Variants in FBXL7 observed in about 807,000 individuals in gnomAD.
The protein encoded by FBXL7 is F-box/LRR-repeat protein 7.
A neutral mutation model predicts 38.3 loss-of-function variants in FBXL7; 12 were observed. That is an observed-to-expected ratio of 0.31 (90% CI 0.20 to 0.51). The LOEUF is 0.51. FBXL7 is among the 20% of genes least tolerant of loss of function. FBXL7 has a pLI of 0.98. For missense variants in FBXL7, 567 were observed against 676.4 expected, an observed-to-expected ratio of 0.84 and a Z score of 1.79; for synonymous variants, 297 against 300.9, an observed-to-expected ratio of 0.99 and a Z score of 0.13.
At chr5:15,873,491 AG>A (rs1206737113) in intron 2 of FBXL7, among the ~76,000 whole-genome samples, 4 of 152,154 alleles carry the variant, frequency 2.6e-5, no homozygotes, top group African/African-American at 9.7e-5. Context: ...TTTTTTGAAA[AG>A]AATAGCAAAA....
intron 2 of FBXL7, among the ~76,000 whole-genome samples, chr5:15,820,909 T>A (rs1394707089): frequency 6.6e-6 from 1 of 152,172 alleles, no homozygotes; most frequent in Non-Finnish European, 1.5e-5. Context: ...CCTTGTCATC[T>A]AAAGAGCTTT....
At chr5:15,594,581 GCT>G (rs1739568931) in intron 1 of FBXL7, among the ~76,000 whole-genome samples, 3 of 152,172 alleles carry the variant, frequency 2.0e-5, no homozygotes, top group Non-Finnish European at 4.4e-5. Context: ...GAGATAGTGG[GCT>G]TGTCCTTGGT....
At chr5:15,607,360 C>T (rs919099584) in intron 1 of FBXL7, 4 of 152,120 alleles carry the variant, frequency 2.6e-5, no homozygotes, top group African/African-American at 4.8e-5. Context: ...GAATAGATAT[C>T]ATGAATCAGT....
chr5:15,772,550 G>A (rs1736755037), intron 2 of FBXL7, among the ~76,000 whole-genome samples: 1 of 152,156 alleles, frequency 6.6e-6, no homozygotes, highest in African/African-American at 2.4e-5. Flanking sequence ...CAGACCCCCT[G>A]GTGCAGCCAC....
intron 2 of FBXL7, among the ~76,000 whole-genome samples, chr5:15,864,935 G>A (rs563805000): frequency 3.9e-5 from 6 of 152,234 alleles, no homozygotes; most frequent in Admixed American, 1.3e-4. Context: ...AAAAGGTCTG[G>A]TATTGTCTTC....
chr5:15,626,005 G>A (rs2126534309), intron 2 of FBXL7, among the ~76,000 whole-genome samples: 1 of 152,274 alleles, frequency 6.6e-6, no homozygotes, highest in African/African-American at 2.4e-5. Context: ...AGTCAGAAAT[G>A]TGGTATTAGG....
intron 2 of FBXL7, among the ~76,000 whole-genome samples, chr5:15,651,100 C>CTTTTTTTTTTTTTTT (rs1430797556): frequency 1.6e-5 from 2 of 128,320 alleles, no homozygotes; most frequent in African/African-American, 5.6e-5. Context: ...TTTTTTTTTT[C>CTTTTTTTTTTTTTTT]TTTTTTTTTT....
chr5:15,921,006 C>T (rs1399612515), intron 2 of FBXL7, among the ~76,000 whole-genome samples: 2 of 152,082 alleles, frequency 1.3e-5, no homozygotes, highest in Admixed American at 6.6e-5. Context: ...TTGTAGTGTG[C>T]TCCTCTGTCT....
At chr5:15,874,977 C>G (rs1350324400) in intron 2 of FBXL7, among the ~76,000 whole-genome samples, 1 of 152,112 alleles carries the variant, frequency 6.6e-6, no homozygotes, top group African/African-American at 2.4e-5. Context: ...GCAAAAAGAA[C>G]AAAGCTGGAG....
At chr5:15,543,485 G>A (rs146654659) in intron 1 of FBXL7, among the ~76,000 whole-genome samples, 3 of 152,266 alleles carry the variant, frequency 2.0e-5, no homozygotes, top group African/African-American at 7.2e-5. Flanking sequence ...CCCCAATTTG[G>A]TTCAACAATC....
At chr5:15,756,221 A>G (rs549773025) in intron 2 of FBXL7, among the ~76,000 whole-genome samples, 55 of 152,308 alleles carry the variant, frequency 3.6e-4, no homozygotes, top group Non-Finnish European at 6.0e-4. Context: ...AATATTTTAC[A>G]TAAATATATT....
At chr5:15,531,127 T>C (rs948954215) in intron 1 of FBXL7, among the ~76,000 whole-genome samples, 1 of 152,184 alleles carries the variant, frequency 6.6e-6, no homozygotes, top group African/African-American at 2.4e-5. Context: ...CTAGCAAAGC[T>C]TCGAACAATA....
intron 2 of FBXL7, among the ~76,000 whole-genome samples, chr5:15,658,793 C>G (rs1741964946): frequency 6.6e-6 from 1 of 152,176 alleles, no homozygotes; most frequent in Non-Finnish European, 1.5e-5. Flanking sequence ...TGTCTGAAAT[C>G]TATAGATAAC....
At chr5:15,924,812 A>G (rs1321592997) in intron 2 of FBXL7, among the ~76,000 whole-genome samples, 1 of 152,032 alleles carries the variant, frequency 6.6e-6, no homozygotes, top group Non-Finnish European at 1.5e-5. Flanking sequence ...TTTTTAGTAG[A>G]GACAGGTTTT....
intron 2 of FBXL7, among the ~76,000 whole-genome samples, chr5:15,806,967 T>A (rs1189051303): frequency 6.6e-6 from 1 of 152,192 alleles, no homozygotes. Context: ...TCCTTTTTTT[T>A]GAGACGGAGT....
chr5:15,930,898 A>G (rs1047692365), intron 3 of FBXL7, among the ~76,000 whole-genome samples: 1 of 152,214 alleles, frequency 6.6e-6, no homozygotes, highest in African/African-American at 2.4e-5. Context: ...TGATGCAGAG[A>G]GGCCAGAGGG....
At chr5:15,524,757 G>C (rs1737203474) in intron 1 of FBXL7, among the ~76,000 whole-genome samples, 1 of 152,116 alleles carries the variant, frequency 6.6e-6, no homozygotes, top group South Asian at 2.1e-4. Flanking sequence ...ATTTATCATA[G>C]GAGATTAAAT....
chr5:15,577,591 A>AT (rs1239795332), intron 1 of FBXL7, among the ~76,000 whole-genome samples: 3 of 120,558 alleles, frequency 2.5e-5, no homozygotes, highest in Non-Finnish European at 5.0e-5. Flanking sequence ...TATGTAATGC[A>AT]TTTTGTGTGT....
intron 2 of FBXL7, among the ~76,000 whole-genome samples, chr5:15,767,161 C>A (rs1190374869): frequency 6.6e-6 from 1 of 152,172 alleles, no homozygotes; most frequent in Non-Finnish European, 1.5e-5. Flanking sequence ...CTCCCTTCTC[C>A]TACACTGCCC....
Sources: allele counts gnomAD v4.1 joint callset (sites outside exome capture counted in the v4.1 genomes callset), GRCh38; gene constraint gnomAD v4.1.1; transcripts MANE v1.5; gene names NCBI Gene and HGNC (gene_info 2026-07-23, HGNC 2026-07-21).